SUGCT: variants seen among roughly 807,000 people sequenced by gnomAD.
The protein encoded by SUGCT is succinyl-CoA:glutarate CoA-transferase.
In SUGCT, 41 loss-of-function variants were observed where a neutral mutation model predicts 55.0. The ratio of observed to expected loss-of-function variants is 0.74; its 90% CI spans 0.58 to 0.97. SUGCT has a LOEUF of 0.97. Ranked by LOEUF, SUGCT falls within the 50% of genes least tolerant of loss-of-function variation. The pLI, the probability that SUGCT is intolerant of heterozygous loss-of-function variation, is 0.00. For synonymous variants in SUGCT, 187 were observed against 200.4 expected, an observed-to-expected ratio of 0.93 and a Z score of 0.56; for missense variants, 568 against 547.8, an observed-to-expected ratio of 1.04 and a Z score of -0.37.
chr7:40,991,053 C>G, the SUGCT span, among the ~76,000 whole-genome samples: 1 of 152,194 alleles, frequency 6.6e-6, no homozygotes, highest in Non-Finnish European at 1.5e-5. Flanking sequence ...AGAGGCCTAG[C>G]TTTTGGCCTA....
Position 40,437,714 on chromosome 7 carries a change from C to A in SUGCT, c.817-11573C>A, listed in dbSNP as rs532625403. 5.3e-5 allele frequency among the ~76,000 whole-genome samples: 8 copies of A among 152,236 alleles called. No individual in the cohort carries two copies. The South Asian group carries it at 1.7e-3, about 32-fold the overall frequency. On this transcript the variant is annotated intron_variant, in intron 9 of 13. Coordinates refer to ENST00000335693, the MANE Select transcript of SUGCT (RefSeq NM_001193313.2). The stretch of plus-strand genomic sequence containing the variant: ...GTTTGTCATGATGTACTAGCACAGA[C>A]CCAGAAGTCAATAACTGCTTGGCAT...
intron 12 of SUGCT, among the ~76,000 whole-genome samples, chr7:40,703,061 C>CTTTTT (rs58887234): frequency 6.9e-5 from 8 of 115,782 alleles, no homozygotes; most frequent in South Asian, 2.7e-4. Flanking sequence ...TTCAGCCTAG[C>CTTTTT]TTTTTTTTTT....
chr7:40,311,759 A>G (rs1482114515), intron 8 of SUGCT, among the ~76,000 whole-genome samples: 1 of 152,156 alleles, frequency 6.6e-6, no homozygotes, highest in Non-Finnish European at 1.5e-5. Flanking sequence ...TTCCTTATGT[A>G]TACTTAGTAC....
At chr7:40,933,375 T>G in the SUGCT span, among the ~76,000 whole-genome samples, 1 of 152,208 alleles carries the variant, frequency 6.6e-6, no homozygotes, top group Non-Finnish European at 1.5e-5. Context: ...ATTTTTTCCT[T>G]CATTTCAACC....
chr7:40,901,923 C>A, the SUGCT span, among the ~76,000 whole-genome samples: 2 of 152,132 alleles, frequency 1.3e-5, no homozygotes, highest in African/African-American at 4.8e-5. Context: ...AAATAAGGAG[C>A]CTTGCGGTGC....
chr7:40,960,203 T>C, the SUGCT span, among the ~76,000 whole-genome samples: 2 of 152,172 alleles, frequency 1.3e-5, no homozygotes, highest in Admixed American at 1.3e-4. Flanking sequence ...TTGGGCCCTT[T>C]GTGAAGTGAA....
chr7:40,351,729 A>G (rs549561221), intron 9 of SUGCT, among the ~76,000 whole-genome samples: 6 of 152,326 alleles, frequency 3.9e-5, no homozygotes, highest in Non-Finnish European at 7.4e-5. Context: ...GTTGTATTTA[A>G]TGGCAACTTT....
intron 12 of SUGCT, among the ~76,000 whole-genome samples, chr7:40,594,739 A>C (rs1358082402): frequency 6.6e-6 from 1 of 152,224 alleles, no homozygotes; most frequent in Non-Finnish European, 1.5e-5. Context: ...AAGAAGTAGG[A>C]CATCATTGGT....
intron 12 of SUGCT, among the ~76,000 whole-genome samples, chr7:40,726,481 C>T (rs990543390): frequency 4.0e-5 from 6 of 151,830 alleles, no homozygotes; most frequent in East Asian, 1.9e-4. Flanking sequence ...GTGGCAGAGG[C>T]GGGAGAAAAC....
intron 11 of SUGCT, among the ~76,000 whole-genome samples, chr7:40,460,612 C>G (rs1789743508): frequency 6.6e-6 from 1 of 152,158 alleles, no homozygotes; most frequent in South Asian, 2.1e-4. Context: ...GCGAGAAGAA[C>G]AGATCCCAAG....
At chr7:40,652,437 A>G (rs914684369) in intron 12 of SUGCT, among the ~76,000 whole-genome samples, 5 of 152,150 alleles carry the variant, frequency 3.3e-5, no homozygotes, top group Non-Finnish European at 4.4e-5. Flanking sequence ...GGTTATGTCT[A>G]TCTCCATCTT....
chr7:40,401,323 A>C (rs987351490), intron 9 of SUGCT, among the ~76,000 whole-genome samples: 2 of 152,192 alleles, frequency 1.3e-5, no homozygotes, highest in African/African-American at 4.8e-5. Context: ...AGACTTTAAG[A>C]GGTCTGCTAT....
At chr7:40,595,389 G>A (rs1380256500) in intron 12 of SUGCT, among the ~76,000 whole-genome samples, 1 of 152,038 alleles carries the variant, frequency 6.6e-6, no homozygotes, top group African/African-American at 2.4e-5. Context: ...CATTATTGCC[G>A]TGAGCAGAGA....
intron 12 of SUGCT, among the ~76,000 whole-genome samples, chr7:40,503,243 A>G (rs1792392238): frequency 6.6e-6 from 1 of 152,172 alleles, no homozygotes. Flanking sequence ...CAAACACTGA[A>G]TATTGTTAAG....
In SUGCT at chr7:40,459,091, T is replaced by C. The variant is rs771262252; in HGVS notation, c.889-10T>C. 8 of 1,590,106 alleles carry C rather than the reference T, an allele frequency of 5.0e-6. No individual in the cohort carries two copies. In the South Asian group the frequency reaches 6.6e-5, roughly 13 times the overall value. On this transcript the variant is annotated splice_polypyrimidine_tract_variant and intron_variant, in intron 10 of 13. Coordinates refer to ENST00000335693, the MANE Select transcript of SUGCT (RefSeq NM_001193313.2). ...ATTTCTTATACTGGAAAATTATTTT[T>C]TTCTTTTAGATCTTGGATTTGCCTG...
intron 12 of SUGCT, among the ~76,000 whole-genome samples, chr7:40,612,244 A>C (rs1273265723): frequency 1.3e-5 from 2 of 152,316 alleles, no homozygotes; most frequent in African/African-American, 2.4e-5. Flanking sequence ...TGAGAATTAA[A>C]TATGTTCATC....
chr7:40,666,869 T>G (rs990195587), intron 12 of SUGCT, among the ~76,000 whole-genome samples: 6 of 152,082 alleles, frequency 3.9e-5, no homozygotes, highest in African/African-American at 7.2e-5. Context: ...GATAAGAAAG[T>G]GCTCATGGGA....
At chr7:40,931,567 T>C in the SUGCT span, among the ~76,000 whole-genome samples, 96 of 152,308 alleles carry the variant, frequency 6.3e-4, no homozygotes, top group African/African-American at 2.2e-3. Flanking sequence ...TTTTTTTGGT[T>C]GATAGGCTAT....
chr7:40,350,277 CTTATTTAT>C (rs202108546), intron 9 of SUGCT, among the ~76,000 whole-genome samples: 21,138 of 136,980 alleles, frequency 0.15, 1,913 homozygotes, highest in Non-Finnish European at 0.22. Flanking sequence ...ATTACTATAT[CTTATTTAT>C]TTATTTATTT....
Sources: gnomAD v4.1 joint callset for allele counts (sites outside exome capture counted in the v4.1 genomes callset) on GRCh38, gnomAD v4.1.1 for gene constraint, MANE v1.5 for transcripts, NCBI Gene and HGNC (gene_info 2026-07-23, HGNC 2026-07-21) for gene names.